Variants in DLGAP1 observed in about 807,000 individuals in gnomAD.
DLGAP1 encodes DLG associated protein 1.
Under a neutral mutation model 90.8 loss-of-function variants are expected in DLGAP1, and 11 were observed. That is an observed-to-expected ratio of 0.12 (90% CI 0.08 to 0.20). The LOEUF is 0.20. Among genes scored for constraint, DLGAP1 ranks in the 10% least tolerant of loss-of-function variants. The pLI is 1.00. For synonymous variants in DLGAP1, 558 were observed against 540.7 expected (o/e 1.03, Z -0.44); for missense variants, 1,050 against 1,333.8 (o/e 0.79, Z 3.31).
chr18:4,057,185 T>C (rs2075233102), intron 2 of DLGAP1, among the ~76,000 whole-genome samples: 1 of 151,898 alleles, frequency 6.6e-6, no homozygotes, highest in Non-Finnish European at 1.5e-5. Context: ...TCTGAAATAA[T>C]AATTGATGGC....
intron 2 of DLGAP1, among the ~76,000 whole-genome samples, chr18:4,115,428 A>G (rs1378918042): frequency 6.6e-6 from 1 of 151,304 alleles, no homozygotes; most frequent in African/African-American, 2.5e-5. Context: ...TACTGTTTAC[A>G]ATTCATTTCT....
intron 5 of DLGAP1, among the ~76,000 whole-genome samples, chr18:3,756,341 G>A (rs1568078729): frequency 1.3e-5 from 2 of 151,954 alleles, no homozygotes; most frequent in Non-Finnish European, 2.9e-5. Context: ...GAGCCACCAC[G>A]CCTGGCCTAC....
chr18:4,275,917 T>C (rs1464726578), intron 1 of DLGAP1, among the ~76,000 whole-genome samples: 2 of 152,060 alleles, frequency 1.3e-5, no homozygotes, highest in Non-Finnish European at 2.9e-5. Context: ...AAGCCTTTGC[T>C]CAAATATCAG....
intron 4 of DLGAP1, among the ~76,000 whole-genome samples, chr18:3,816,340 CAT>C (rs1487641532): frequency 2.0e-5 from 3 of 152,174 alleles, no homozygotes; most frequent in African/African-American, 7.2e-5. Context: ...AGCACACACA[CAT>C]ATCAGACACA....
At chr18:4,215,644 G>A (rs567762230) in intron 1 of DLGAP1, among the ~76,000 whole-genome samples, 15 of 152,224 alleles carry the variant, frequency 9.9e-5, no homozygotes, top group African/African-American at 2.9e-4. Flanking sequence ...TAAAACAGAT[G>A]GGTTCATTTG....
chr18:4,317,342 G>A (rs941105553), intron 1 of DLGAP1, among the ~76,000 whole-genome samples: 1 of 152,050 alleles, frequency 6.6e-6, no homozygotes, highest in Non-Finnish European at 1.5e-5. Context: ...CACTGAGCTG[G>A]ACTTGTAACA....
At chr18:4,329,081 T>G (rs1378881658) in intron 1 of DLGAP1, among the ~76,000 whole-genome samples, 2 of 151,984 alleles carry the variant, frequency 1.3e-5, no homozygotes. Context: ...GACTTGTGCT[T>G]TTTGCCTCAC....
At chr18:4,017,127 T>G (rs188190322) in intron 2 of DLGAP1, among the ~76,000 whole-genome samples, 52 of 152,338 alleles carry the variant, frequency 3.4e-4, no homozygotes, top group African/African-American at 1.3e-3. Flanking sequence ...AAGTGAGTTA[T>G]GTGTTCTTAG....
At chr18:4,049,841 C>A (rs927206258) in intron 2 of DLGAP1, among the ~76,000 whole-genome samples, 3 of 151,624 alleles carry the variant, frequency 2.0e-5, no homozygotes, top group African/African-American at 7.3e-5. Flanking sequence ...CATCCGCTCA[C>A]CTACCCAAAC....
At chr18:3,654,210 C>A (rs969716605) in intron 7 of DLGAP1, among the ~76,000 whole-genome samples, 3 of 152,116 alleles carry the variant, frequency 2.0e-5, no homozygotes, top group Non-Finnish European at 4.4e-5. Context: ...TTCCTGTGAG[C>A]CCCAGGGACT....
chr18:3,936,171 C>G (rs1397867326), intron 3 of DLGAP1, among the ~76,000 whole-genome samples: 1 of 152,192 alleles, frequency 6.6e-6, no homozygotes, highest in Non-Finnish European at 1.5e-5. Flanking sequence ...AAGCCCAAGT[C>G]TGCACAGACA....
chr18:3,741,144 T>C (rs867788418), intron 6 of DLGAP1, among the ~76,000 whole-genome samples: 114 of 32,888 alleles, frequency 3.5e-3, no homozygotes, highest in South Asian at 0.017. Flanking sequence ...CACATCACCA[T>C]CACCATCACC....
chr18:4,296,203 C>T (rs750079719), intron 1 of DLGAP1, among the ~76,000 whole-genome samples: 5 of 152,192 alleles, frequency 3.3e-5, no homozygotes, highest in African/African-American at 1.2e-4. Flanking sequence ...TAATTAAGCA[C>T]GCAGCCTTCC....
chr18:4,269,972 C>T (rs2079238470), intron 1 of DLGAP1, among the ~76,000 whole-genome samples: 1 of 152,192 alleles, frequency 6.6e-6, no homozygotes, highest in African/African-American at 2.4e-5. Flanking sequence ...TTCACTTTAG[C>T]ATGCTAATGA....
intron 1 of DLGAP1, among the ~76,000 whole-genome samples, chr18:4,367,437 T>G (rs969887705): frequency 4.6e-5 from 7 of 152,072 alleles, no homozygotes; most frequent in Admixed American, 6.6e-5. Flanking sequence ...ATAAAAAAAT[T>G]GCAAAACTTC....
At chr18:4,202,658 G>C (rs116183162) in intron 1 of DLGAP1, among the ~76,000 whole-genome samples, 1 of 151,994 alleles carries the variant, frequency 6.6e-6, no homozygotes, top group Non-Finnish European at 1.5e-5. Flanking sequence ...AAAAGTAAAA[G>C]ATGCAACATT....
At chr18:4,359,208 G>A (rs1234115753) in intron 1 of DLGAP1, among the ~76,000 whole-genome samples, 1 of 152,166 alleles carries the variant, frequency 6.6e-6, no homozygotes, top group Non-Finnish European at 1.5e-5. Flanking sequence ...TGGCACCTCG[G>A]TATTTGAAAA....
intron 8 of DLGAP1, chr18:3,580,201 C>G (rs1035932048): frequency 6.4e-7 from 1 of 1,556,710 alleles, no homozygotes; most frequent in Non-Finnish European, 8.9e-7. Context: ...CGTCCAAAGT[C>G]AAACCTCCGG....
chr18:4,398,924 G>A (rs777311139), intron 1 of DLGAP1, among the ~76,000 whole-genome samples: 2 of 151,942 alleles, frequency 1.3e-5, no homozygotes, highest in African/African-American at 2.4e-5. Context: ...CTCCGCCTCC[G>A]GGGTCCAAGC....
Sources: allele counts gnomAD v4.1 joint callset (sites outside exome capture counted in the v4.1 genomes callset), GRCh38; gene constraint gnomAD v4.1.1; transcripts MANE v1.5; gene names NCBI Gene and HGNC (gene_info 2026-07-23, HGNC 2026-07-21).